The following ERCC6L2 variants were observed in gnomAD, a reference collection of about 807,000 sequenced individuals.
ERCC6L2 encodes the protein ERCC excision repair 6 like 2.
A neutral mutation model predicts 132.0 loss-of-function variants in ERCC6L2; 77 were observed. The observed-to-expected ratio is 0.58, with a 90% CI of 0.49 to 0.71. The LOEUF is 0.71. Ranked by LOEUF, ERCC6L2 falls within the 30% of genes least tolerant of loss-of-function variation. ERCC6L2 has a pLI of 0.00. For missense variants in ERCC6L2, 1,542 were observed against 1,837.6 expected, an observed-to-expected ratio of 0.84 and a Z score of 2.94; for synonymous variants, 583 against 632.4, an observed-to-expected ratio of 0.92 and a Z score of 1.17.
chr9:96,031,235 C>G (rs1662975806), intron 19 of ERCC6L2, among the ~76,000 whole-genome samples: 1 of 152,142 alleles, frequency 6.6e-6, no homozygotes, highest in Non-Finnish European at 1.5e-5. Flanking sequence ...AGAAATATTT[C>G]CAGACAGGGT....
Position 95,955,965 on chromosome 9 carries a change from C to T in ERCC6L2, c.1899C>T (p.Ser633=). 1 of 1,607,796 alleles carries T rather than the reference C, an allele frequency of 6.2e-7. No individual in the cohort carries two copies. The highest frequency in any genetic ancestry group is 1.7e-4 in the Middle Eastern group (1 of 6,022). The change falls in exon 13 of 19, where the codon TCC becomes TCT. Residue 633 remains serine, a synonymous_variant. Coordinates refer to ENST00000653738, the MANE Select transcript of ERCC6L2 (RefSeq NM_020207.7). The part of the protein sequence containing the change: ...CRDVKVLRLI[S]LGTVEEIMYL... ...ATGTCAAAGTGCTTAGGCTGATATC[C>T]TTGGGAACTGTGGAGGAAATCATGT...
At chr9:95,937,465 G>A (rs1830607371) in intron 11 of ERCC6L2, among the ~76,000 whole-genome samples, 1 of 151,986 alleles carries the variant, frequency 6.6e-6, no homozygotes, top group Non-Finnish European at 1.5e-5. Flanking sequence ...AATCATCTGG[G>A]CCTGGAGGGG....
Position 95,921,332 on chromosome 9 carries a change from A to G in ERCC6L2, c.1299+17A>G. The G allele has an allele frequency of 6.3e-7, 1 of 1,597,780 alleles. No individual in the cohort carries two copies. Among genetic ancestry groups the G allele is most frequent in the East Asian group, 2.2e-5 (1 of 44,454 alleles). On this transcript the variant is annotated intron_variant, in intron 7 of 18. Transcript: ENST00000653738. ...TGTTATAAGGCAAGCATTTCAATAT[A>G]TCTTTATAATCATGCTTTTGATTAC...
chr9:95,993,380 C>T lies in ERCC6L2; in HGVS notation c.3493-11140C>T, dbSNP rs560953705. On this transcript the variant is annotated intron_variant, in intron 17 of 18. Coordinates refer to ENST00000653738, the MANE Select transcript of ERCC6L2 (RefSeq NM_020207.7). ...TCTCATGGTGAACTGAGGGTATTAG[C>T]GAAATTTTCCATTGCACATCTGCAA... Among the ~76,000 whole-genome samples, 16 of 152,280 alleles carry T rather than the reference C, an allele frequency of 1.1e-4. No homozygotes were observed. The South Asian group carries it at 2.9e-3, about 28-fold the overall frequency.
intron 3 of ERCC6L2, among the ~76,000 whole-genome samples, chr9:95,902,712 TATTAGCAAACATAA>T (rs1828841177): frequency 6.6e-6 from 1 of 152,128 alleles, no homozygotes; most frequent in African/African-American, 2.4e-5. Context: ...TTGCACTAGG[TATTAGCAAACATAA>T]ATTTATGACT....
chr9:95,887,468 A>G (rs1463734809), intron 2 of ERCC6L2, among the ~76,000 whole-genome samples: 1 of 152,246 alleles, frequency 6.6e-6, no homozygotes, highest in East Asian at 1.9e-4. Flanking sequence ...AAGGACTACT[A>G]TTAAGCAGAT....
downstream of ERCC6L2, among the ~76,000 whole-genome samples, chr9:96,018,964 T>C (rs1020511298): frequency 7.2e-5 from 11 of 152,228 alleles, no homozygotes; most frequent in African/African-American, 2.4e-4. Context: ...GTTAGCTAAA[T>C]AGGCCTCGCA....
intron 16 of ERCC6L2, among the ~76,000 whole-genome samples, chr9:95,975,035 A>G (rs913408442): frequency 1.3e-5 from 2 of 152,136 alleles, no homozygotes; most frequent in African/African-American, 4.8e-5. Flanking sequence ...AGAATAAAAT[A>G]ACAGTACTAC....
At chr9:95,967,136 G>A (rs1235329630) in intron 14 of ERCC6L2, 1 of 152,346 alleles carries the variant, frequency 6.6e-6, no homozygotes, top group Non-Finnish European at 1.5e-5. Context: ...TTTGTTTTCT[G>A]TTCCCAATAA....
chr9:95,989,849 A>G (rs1245660608), intron 17 of ERCC6L2, among the ~76,000 whole-genome samples: 1 of 152,256 alleles, frequency 6.6e-6, no homozygotes, highest in Admixed American at 6.5e-5. Flanking sequence ...AATGCAAGAA[A>G]AGAGTATGCA....
At chr9:95,990,835 C>T (rs979646481) in intron 17 of ERCC6L2, among the ~76,000 whole-genome samples, 6 of 152,154 alleles carry the variant, frequency 3.9e-5, no homozygotes, top group African/African-American at 1.4e-4. Context: ...CCTCTTGGCA[C>T]GTGGGTTCTT....
intron 20 of ERCC6L2, among the ~76,000 whole-genome samples, chr9:96,039,365 T>C (rs1407473411): frequency 2.0e-5 from 3 of 152,026 alleles, no homozygotes; most frequent in South Asian, 4.1e-4. Flanking sequence ...GGAGGAATCA[T>C]AGCACTGGAG....
At chr9:95,964,193 T>C (rs1366968888) in intron 13 of ERCC6L2, among the ~76,000 whole-genome samples, 2 of 152,160 alleles carry the variant, frequency 1.3e-5, no homozygotes, top group Non-Finnish European at 2.9e-5. Flanking sequence ...AAAAGAGCTT[T>C]CCCTTCTATT....
At chr9:95,893,825 A>G (rs1416867422) in intron 2 of ERCC6L2, among the ~76,000 whole-genome samples, 1 of 152,180 alleles carries the variant, frequency 6.6e-6, no homozygotes, top group African/African-American at 2.4e-5. Flanking sequence ...AAGGATGATC[A>G]TTTGGCATTG....
chr9:95,910,781 A>T (rs1412671405), intron 4 of ERCC6L2, among the ~76,000 whole-genome samples: 1 of 152,232 alleles, frequency 6.6e-6, no homozygotes, highest in Non-Finnish European at 1.5e-5. Flanking sequence ...TTAGCCTGTT[A>T]CTATTTCATG....
At chr9:96,025,292 C>A (rs1260154698) in intron 19 of ERCC6L2, among the ~76,000 whole-genome samples, 1 of 152,206 alleles carries the variant, frequency 6.6e-6, no homozygotes, top group East Asian at 1.9e-4. Context: ...CATTCTCAGG[C>A]TGCATCATGG....
rs1053600566 is a variant in ERCC6L2 at position 95,907,404 on chromosome 9, C to T, written c.788+133C>T. The stretch of plus-strand genomic sequence containing the variant: ...GTTTTTAGTAAAGACGGAGTTTCGC[C>T]ACGTTGCCCAGGCTGGTCTCGAACT... On this transcript the variant is annotated intron_variant, in intron 4 of 18. Coordinates refer to ENST00000653738, the MANE Select transcript of ERCC6L2 (RefSeq NM_020207.7). 47 of 681,102 alleles carry T rather than the reference C, an allele frequency of 6.9e-5. No homozygotes were observed. The South Asian group carries it at 1.2e-3, about 17-fold the overall frequency. The allele number at this position is 681,102 out of a possible 1,614,324, so 42.2% of individuals were successfully genotyped here.
rs756205242 is a variant in ERCC6L2, at chr9:96,018,270, A to G, written c.*5067A>G. 6.6e-6 allele frequency among the ~76,000 whole-genome samples: 1 copy of G among 152,234 alleles called. No individual in the cohort carries two copies. Among genetic ancestry groups the G allele is most frequent in the Non-Finnish European group, 1.5e-5 (1 of 68,026 alleles). On this transcript the variant is annotated 3_prime_UTR_variant, in exon 19 of 19. Coordinates refer to ENST00000653738, the MANE Select transcript of ERCC6L2 (RefSeq NM_020207.7). ...TTTACAATTTTAAAAATGGAAAAAA[A>G]GTAAGACCAAAAGCAACACCTCTCC...
At chr9:95,883,224 A>G (rs958913425) in intron 2 of ERCC6L2, among the ~76,000 whole-genome samples, 2 of 152,106 alleles carry the variant, frequency 1.3e-5, no homozygotes, top group African/African-American at 4.8e-5. Flanking sequence ...TTTCCCATAC[A>G]TTGTTACATT....
Sources: gnomAD v4.1 joint callset for allele counts (sites outside exome capture counted in the v4.1 genomes callset) on GRCh38, gnomAD v4.1.1 for gene constraint, MANE v1.5 for transcripts, NCBI Gene and HGNC (gene_info 2026-07-23, HGNC 2026-07-21) for gene names.